COL15A1: variants seen among roughly 807,000 people sequenced by gnomAD.
COL15A1 encodes the protein collagen type XV alpha 1 chain, also known as collagen alpha-1(XV) chain.
COL15A1 carries 111 observed loss-of-function variants against 165.9 expected under a neutral mutation model. The observed-to-expected ratio is 0.67, with a 90% confidence interval of 0.57 to 0.78. COL15A1 has a LOEUF of 0.78. Among genes scored for constraint, COL15A1 ranks in the 30% least tolerant of loss-of-function variants. The pLI, the probability that COL15A1 is intolerant of heterozygous loss-of-function variation, is 0.00. For missense variants in COL15A1, 1,745 were observed against 1,789.7 expected, an observed-to-expected ratio of 0.98 and a Z score of 0.45; for synonymous variants, 659 against 674.8, an observed-to-expected ratio of 0.98 and a Z score of 0.36.
At position 99,034,585 on chromosome 9, in the gene COL15A1, GT is replaced by G. The variant is rs1839263146; in HGVS notation, c.2079+2del. 3 of 471,130 alleles carry G rather than the reference GT, an allele frequency of 6.4e-6. No homozygotes were observed. The highest frequency in any genetic ancestry group is 8.7e-6 in the Non-Finnish European group (3 of 343,332). 29.2% of individuals were successfully genotyped at this position (471,130 alleles called of 1,614,324 possible). A position where few individuals can be genotyped will look rare whatever the true frequency, so the allele number is the denominator to read the frequency against. ...GCCTAATGGCTCAGTTGGTGAAAAGGTAAAAAAAAAAAAAAAAAAAAAAAAA... is the reference window on the plus strand; with the variant it reads ...GCCTAATGGCTCAGTTGGTGAAAAGGAAAAAAAAAAAAAAAAAAAAAAAAA... On this transcript the variant is annotated splice_donor_variant, in intron 17 of 41. Coordinates refer to ENST00000375001, the MANE Select transcript of COL15A1 (RefSeq NM_001855.5). LOFTEE classifies it high-confidence loss of function.
intron 36 of COL15A1, among the ~76,000 whole-genome samples, chr9:99,061,042 A>G (rs1181904435): frequency 1.3e-5 from 2 of 152,242 alleles, no homozygotes; most frequent in African/African-American, 2.4e-5. Context: ...GGAACAAGAC[A>G]TAGCACTCCA....
intron 5 of COL15A1, among the ~76,000 whole-genome samples, chr9:98,992,646 C>T (rs950742769): frequency 7.9e-5 from 12 of 152,374 alleles, no homozygotes; most frequent in Non-Finnish European, 1.3e-4. Flanking sequence ...GCCGCCAGCA[C>T]GTTGTCAATT....
At chr9:99,027,911 T>C (rs987003690) in intron 16 of COL15A1, among the ~76,000 whole-genome samples, 5 of 152,218 alleles carry the variant, frequency 3.3e-5, no homozygotes, top group Non-Finnish European at 5.9e-5. Flanking sequence ...ATATTCAGTA[T>C]GTAAAATAAC....
chr9:99,016,266 T>A, intron 11 of COL15A1, 147 bp downstream of exon 11: 2 of 959,762 alleles, frequency 2.1e-6, no homozygotes, highest in Non-Finnish European at 3.0e-6. Context: ...TGAGGAGCTT[T>A]AACCTGAGGA....
At chr9:99,052,345 G>A in intron 30 of COL15A1, 43 bp from the exon 31 acceptor site, 2 of 1,496,732 alleles carry the variant, frequency 1.3e-6, no homozygotes, top group Non-Finnish European at 1.9e-6. Context: ...CAAACACCAC[G>A]GCAGAGCTTG....
At chr9:99,022,263 G>T in intron 13 of COL15A1, 113 bp downstream of exon 13, 1 of 1,356,650 alleles carries the variant, frequency 7.4e-7, no homozygotes, top group Non-Finnish European at 1.0e-6. Flanking sequence ...CTTGCAGTCA[G>T]ACCCTAGGGC....
At chr9:99,039,632 T>C (rs1433096336) in intron 22 of COL15A1, among the ~76,000 whole-genome samples, 1 of 152,196 alleles carries the variant, frequency 6.6e-6, no homozygotes, top group Non-Finnish European at 1.5e-5. Context: ...TAAATACTCA[T>C]TGCATCTCCC....
chr9:99,016,124 G>A lies in COL15A1; in HGVS notation c.1647+5G>A. 6.2e-7 allele frequency: 1 copy of A among 1,606,074 alleles called. No homozygotes were observed. Among genetic ancestry groups the A allele is most frequent in the Non-Finnish European group, 8.5e-7 (1 of 1,176,032 alleles). On this transcript the variant is annotated splice_donor_5th_base_variant and intron_variant, in intron 11 of 41. Coordinates refer to ENST00000375001, the MANE Select transcript of COL15A1 (RefSeq NM_001855.5). ...CCTGAAAGATGGATCACTCCAGTAA[G>A]TGGCATAGAGCTGTAAGATTTGACT...
At chr9:99,047,682 G>A in intron 26 of COL15A1, 104 bp from the exon 27 acceptor site, 1 of 1,203,142 alleles carries the variant, frequency 8.3e-7, no homozygotes, top group East Asian at 2.3e-5. Context: ...CCTCCTGTCA[G>A]TGGATCATCG....
intron 2 of COL15A1, among the ~76,000 whole-genome samples, chr9:98,963,728 T>A (rs184221307): frequency 1.4e-3 from 211 of 151,412 alleles, no homozygotes; most frequent in African/African-American, 4.8e-3. Flanking sequence ...GGGTGATGGG[T>A]ATAGGAGTCC....
At chr9:99,047,103 ACAT>A (rs1839504295) in intron 26 of COL15A1, among the ~76,000 whole-genome samples, 1 of 152,222 alleles carries the variant, frequency 6.6e-6, no homozygotes, top group Non-Finnish European at 1.5e-5. Context: ...AGGAAGACAT[ACAT>A]CATCAGTGGT....
At chr9:99,012,428 C>G (rs1838860580) in intron 9 of COL15A1, among the ~76,000 whole-genome samples, 1 of 152,132 alleles carries the variant, frequency 6.6e-6, no homozygotes, top group Non-Finnish European at 1.5e-5. Context: ...TGTCTGGATG[C>G]AAACAGTGGA....
intron 40 of COL15A1, 121 bp downstream of exon 40, chr9:99,067,188 T>A: frequency 2.4e-6 from 2 of 833,594 alleles, no homozygotes; most frequent in Non-Finnish European, 3.7e-6. Flanking sequence ...TCTCCCTTAC[T>A]GGCTATGTCA....
intron 11 of COL15A1, among the ~76,000 whole-genome samples, chr9:99,017,372 G>A (rs1427146674): frequency 1.3e-5 from 2 of 152,178 alleles, no homozygotes; most frequent in African/African-American, 4.8e-5. Flanking sequence ...CCCAGCTGAA[G>A]TCCTCATCCA....
Position 99,070,493 on chromosome 9 carries a change from G to T in COL15A1, c.*607G>T. The T allele has an allele frequency of 7.3e-6, 2 of 273,022 alleles. No homozygotes were observed. Among genetic ancestry groups the T allele is most frequent in the South Asian group, 3.0e-5 (1 of 33,246 alleles). 16.9% of individuals were successfully genotyped at this position (273,022 alleles called of 1,614,324 possible). On this transcript the variant is annotated 3_prime_UTR_variant, in exon 42 of 42. Transcript: ENST00000375001. ...TATATTTTTACACAATCATATTTTA[G>T]TATGGTGTCTGTTTATGTAACTCTG...
chr9:99,054,960 T>C (rs1434734688), intron 32 of COL15A1, 142 bp from the exon 33 acceptor site: 1 of 791,764 alleles, frequency 1.3e-6, no homozygotes, highest in African/African-American at 1.7e-5. Context: ...AGCACCTGTT[T>C]CTGCTTCCAA....
At position 98,958,239 on chromosome 9, in the gene COL15A1, A is replaced by G. The variant is rs1051016172; in HGVS notation, c.100+13989A>G. On this transcript the variant is annotated intron_variant, in intron 2 of 41. Transcript: ENST00000375001. ...TCTGGGAAATGAAGGGGTTGGAAAG[A>G]CAATTCTAAAAGCATCGTTAGCATG... is the stretch of plus-strand genomic sequence containing the variant. Among the ~76,000 whole-genome samples, 4 of 152,248 alleles carry G rather than the reference A, an allele frequency of 2.6e-5. No homozygotes were observed. The South Asian group carries it at 6.2e-4, about 24-fold the overall frequency.
chr9:99,059,287 C>T lies in COL15A1; in HGVS notation c.3338-602C>T, dbSNP rs115737124. ...AATTTTCAAAGCACTCAGTTCTCAC[C>T]GCAGCCCAGGGAAGAAGAAATGCCT... On this transcript the variant is annotated intron_variant, in intron 35 of 41. Transcript: ENST00000375001. 2.9e-3 allele frequency among the ~76,000 whole-genome samples: 435 copies of T among 152,296 alleles called. 1 individual carries two copies. Among genetic ancestry groups the T allele is most frequent in the African/African-American group, 9.7e-3 (405 of 41,566 alleles).
At chr9:99,040,699 G>T in intron 23 of COL15A1, 143 bp downstream of exon 23, 1 of 1,469,542 alleles carries the variant, frequency 6.8e-7, no homozygotes, top group East Asian at 2.3e-5. Flanking sequence ...TGATATTTTT[G>T]ATAGATATGG....
Sources: allele counts gnomAD v4.1 joint callset (sites outside exome capture counted in the v4.1 genomes callset), GRCh38; gene constraint gnomAD v4.1.1; transcripts MANE v1.5; gene names NCBI Gene and HGNC (gene_info 2026-07-23, HGNC 2026-07-21).